The following RAB27A variants were observed in gnomAD, a reference collection of about 807,000 sequenced individuals.
The protein encoded by RAB27A is ras-related protein Rab-27A.
In RAB27A, 17 loss-of-function variants were observed where a neutral mutation model predicts 20.8. That is an observed-to-expected ratio of 0.82 (90% CI 0.56 to 1.23). The LOEUF is 1.23. RAB27A is among the 50% of genes most tolerant of loss of function. The pLI is 0.00. For missense variants in RAB27A, 277 were observed against 266.7 expected, an observed-to-expected ratio of 1.04 and a Z score of -0.27; for synonymous variants, 85 against 92.8, an observed-to-expected ratio of 0.92 and a Z score of 0.48.
chr15:55,306,630 G>A (rs549595600), intron 2 of RAB27A, among the ~76,000 whole-genome samples: 16 of 152,312 alleles, frequency 1.1e-4, no homozygotes, highest in African/African-American at 3.4e-4. Context: ...GTCCAATAAT[G>A]AGTATTTGCA....
intron 1 of RAB27A, among the ~76,000 whole-genome samples, chr15:55,314,717 G>A (rs1407640627): frequency 6.6e-6 from 1 of 152,104 alleles, no homozygotes; most frequent in Non-Finnish European, 1.5e-5. Context: ...GGGATGTGAA[G>A]GACCTCTTCA....
chr15:55,269,512 C>T (rs1220809040), intron 2 of RAB27A, among the ~76,000 whole-genome samples: 1 of 152,016 alleles, frequency 6.6e-6, no homozygotes, highest in African/African-American at 2.4e-5. Context: ...TTTGGGAGGC[C>T]CAGGTGGGAA....
At chr15:55,208,617 C>T (rs745327321) in intron 6 of RAB27A, among the ~76,000 whole-genome samples, 1 of 152,128 alleles carries the variant, frequency 6.6e-6, no homozygotes, top group African/African-American at 2.4e-5. Context: ...AGGACTCTTC[C>T]TCTGTGTGCC....
chr15:55,232,981 C>T (rs1221640662), intron 3 of RAB27A, among the ~76,000 whole-genome samples: 3 of 151,878 alleles, frequency 2.0e-5, no homozygotes, highest in African/African-American at 2.4e-5. Flanking sequence ...AACAATTAGC[C>T]GGGTGTGGTG....
intron 6 of RAB27A, chr15:55,206,406 G>T: frequency 4.2e-6 from 1 of 236,026 alleles, no homozygotes; most frequent in Non-Finnish European, 6.9e-6. Context: ...CTGGAGTGCA[G>T]TGGCACGATC....
intron 2 of RAB27A, among the ~76,000 whole-genome samples, chr15:55,252,792 C>T (rs1317756497): frequency 2.0e-5 from 3 of 152,128 alleles, no homozygotes; most frequent in East Asian, 1.9e-4. Context: ...TTCTAAGTTA[C>T]AGCAATTTAT....
rs1446626103 is a variant in RAB27A at position 55,204,439 on chromosome 15, A to G, written c.*1068T>C. 6.6e-6 allele frequency: 1 copy of G among 152,234 alleles called. No individual in the cohort carries two copies. The highest frequency in any genetic ancestry group is 1.5e-5 in the Non-Finnish European group (1 of 68,044). 9.4% of individuals were successfully genotyped at this position (152,234 alleles called of 1,614,324 possible). ...TGTGACTGCTTCAATATGAACATCTATCTTCCACCAAATAGCAAACAGGCA... is the reference window on the plus strand; with the variant it reads ...TGTGACTGCTTCAATATGAACATCTGTCTTCCACCAAATAGCAAACAGGCA... On this transcript the variant is annotated 3_prime_UTR_variant, in exon 7 of 7. Transcript: ENST00000336787.
chr15:55,220,462 G>C (rs1895517290), intron 6 of RAB27A, among the ~76,000 whole-genome samples: 1 of 151,970 alleles, frequency 6.6e-6, no homozygotes, highest in Non-Finnish European at 1.5e-5. Context: ...GTAGAGATGG[G>C]GTTTCACCAT....
At chr15:55,276,053 A>G (rs944516831) in intron 1 of RAB27A, among the ~76,000 whole-genome samples, 2 of 152,112 alleles carry the variant, frequency 1.3e-5, no homozygotes, top group East Asian at 3.8e-4. Flanking sequence ...CTTTAAAAAA[A>G]TGTTTTCAAA....
Position 55,203,315 on chromosome 15 carries a change from A to G in RAB27A, c.*2192T>C, listed in dbSNP as rs1332661458. ...TTATTCTAACACAAATACACCATAT[A>G]GAATATGCCCTGATATGTAGCTGTA... On this transcript the variant is annotated 3_prime_UTR_variant, in exon 7 of 7. Transcript: ENST00000336787. The G allele has an allele frequency of 1.3e-5, 2 of 152,128 alleles. No homozygotes were observed. Among genetic ancestry groups the G allele is most frequent in the Non-Finnish European group, 2.9e-5 (2 of 68,018 alleles). The allele number at this position is 152,128 out of a possible 1,614,324, so 9.4% of individuals were successfully genotyped here. A position where few individuals can be genotyped will look rare whatever the true frequency, so the allele number is the denominator to read the frequency against.
chr15:55,234,666 T>C (rs954991533), intron 3 of RAB27A, 116 bp downstream of exon 3: 2 of 1,150,998 alleles, frequency 1.7e-6, no homozygotes, highest in African/African-American at 1.5e-5. Flanking sequence ...CTTTCATATG[T>C]ACCTTTAATT....
At chr15:55,225,408 G>T (rs28702437) in intron 5 of RAB27A, among the ~76,000 whole-genome samples, 9,730 of 152,246 alleles carry the variant, frequency 0.064, 371 homozygotes, top group South Asian at 0.14. Flanking sequence ...GGATTAAAAT[G>T]AATTAATCCA....
chr15:55,207,301 T>C (rs1331461853), intron 6 of RAB27A, among the ~76,000 whole-genome samples: 1 of 152,168 alleles, frequency 6.6e-6, no homozygotes, highest in African/African-American at 2.4e-5. Flanking sequence ...GGTATACATC[T>C]AAAGCAGAGC....
intron 1 of RAB27A, among the ~76,000 whole-genome samples, chr15:55,274,992 T>C (rs1010033708): frequency 6.6e-6 from 1 of 151,788 alleles, no homozygotes; most frequent in Non-Finnish European, 1.5e-5. Flanking sequence ...GGCTCACGCC[T>C]GTAATCCCAG....
chr15:55,302,969 T>C, intron 2 of RAB27A, among the ~76,000 whole-genome samples: 1 of 111,698 alleles, frequency 9.0e-6, no homozygotes, highest in African/African-American at 5.7e-5. Context: ...AGCCACCCCG[T>C]CCAAGAGGGA....
At chr15:55,248,520 A>G (rs1473284079) in intron 2 of RAB27A, among the ~76,000 whole-genome samples, 3 of 152,170 alleles carry the variant, frequency 2.0e-5, no homozygotes, top group African/African-American at 7.2e-5. Flanking sequence ...TCCAATCAGG[A>G]AGAGTTTTTC....
At position 55,203,563 on chromosome 15, in the gene RAB27A, C is replaced by T. The variant is rs891714219; in HGVS notation, c.*1944G>A. On this transcript the variant is annotated 3_prime_UTR_variant, in exon 7 of 7. Transcript: ENST00000336787. ...CTGAGTAGCTGGGACTACAGGTGCC[C>T]ACCACCACGCCCAGCCCATTTTTTT... 4.0e-5 allele frequency: 6 copies of T among 150,698 alleles called. No individual in the cohort carries two copies. Among genetic ancestry groups the T allele is most frequent in the East Asian group, 3.9e-4 (2 of 5,158 alleles). The allele number at this position is 150,698 out of a possible 1,614,324, so 9.3% of individuals were successfully genotyped here.
intron 2 of RAB27A, among the ~76,000 whole-genome samples, chr15:55,303,361 C>T (rs1174477468): frequency 0.014 from 1,138 of 82,854 alleles, 7 homozygotes; most frequent in Non-Finnish European, 0.019. Flanking sequence ...GTGAGGGGCG[C>T]CTCTGCCCGG....
chr15:55,277,431 C>G (rs1336393245), intron 1 of RAB27A, among the ~76,000 whole-genome samples: 1 of 152,062 alleles, frequency 6.6e-6, no homozygotes, highest in Non-Finnish European at 1.5e-5. Flanking sequence ...TCACTTGAGG[C>G]CAGGAGTTCG....
Sources: gnomAD v4.1 joint callset for allele counts (sites outside exome capture counted in the v4.1 genomes callset) on GRCh38, gnomAD v4.1.1 for gene constraint, MANE v1.5 for transcripts, NCBI Gene and HGNC (gene_info 2026-07-23, HGNC 2026-07-21) for gene names.